Variants in FAM76B observed in about 807,000 individuals in gnomAD.
The protein encoded by FAM76B is protein FAM76B.
FAM76B carries 16 observed loss-of-function variants against 51.8 expected under a neutral mutation model. The ratio of observed to expected loss-of-function variants is 0.31; its 90% CI spans 0.21 to 0.47. The LOEUF is 0.47. FAM76B is among the 20% of genes least tolerant of loss of function. FAM76B has a pLI of 1.00. For synonymous variants in FAM76B, 166 were observed against 129.5 expected, an observed-to-expected ratio of 1.28 and a Z score of -1.91; for missense variants, 342 against 392.6, an observed-to-expected ratio of 0.87 and a Z score of 1.09.
chr11:95,785,716 A>C (rs1860534630), intron 4 of FAM76B, among the ~76,000 whole-genome samples: 1 of 152,234 alleles, frequency 6.6e-6, no homozygotes, highest in Non-Finnish European at 1.5e-5. Flanking sequence ...AAAAACAAAC[A>C]ACAGTTTCAA....
intron 9 of FAM76B, among the ~76,000 whole-genome samples, chr11:95,774,915 T>C (rs1405939277): frequency 6.6e-6 from 1 of 150,582 alleles, no homozygotes; most frequent in African/African-American, 2.4e-5. Context: ...AGTTCCTAAA[T>C]CCTACTAATT....
At chr11:95,787,708 T>C in intron 2 of FAM76B, 30 bp from the exon 3 acceptor site, 1 of 1,540,764 alleles carries the variant, frequency 6.5e-7, no homozygotes, top group Non-Finnish European at 8.9e-7. Flanking sequence ...TAGATCATGT[T>C]TATGTAGCTT....
At chr11:95,781,189 G>C (rs1216361190) in intron 5 of FAM76B, among the ~76,000 whole-genome samples, 1 of 151,104 alleles carries the variant, frequency 6.6e-6, no homozygotes, top group East Asian at 1.9e-4. Flanking sequence ...ATCACTGACA[G>C]AAACACTTGG....
chr11:95,785,375 G>C (rs909068747), intron 4 of FAM76B, among the ~76,000 whole-genome samples: 3 of 152,178 alleles, frequency 2.0e-5, no homozygotes, highest in Admixed American at 6.5e-5. Context: ...CAAATAATGA[G>C]AATCAATCGT....
intron 6 of FAM76B, 56 bp downstream of exon 6, chr11:95,779,823 T>C: frequency 1.9e-6 from 3 of 1,567,202 alleles, no homozygotes; most frequent in Non-Finnish European, 2.6e-6. Flanking sequence ...TGAAGGGATA[T>C]CACATTTATA....
Position 95,789,586 on chromosome 11 carries a change from C to T in FAM76B, c.-108G>A. ...CCGCGGGCTCCTCCTCCTCCCCCTC[C>T]CCCTGCCTCGCGCCCACCAGGGCCT... On this transcript the variant is annotated 5_prime_UTR_variant, in exon 1 of 10. Transcript: ENST00000358780. 1.0e-6 allele frequency: 1 copy of T among 966,030 alleles called. No homozygotes were observed. The highest frequency in any genetic ancestry group is 1.5e-6 in the Non-Finnish European group (1 of 669,186). 59.8% of individuals were successfully genotyped at this position (966,030 alleles called of 1,614,324 possible).
intron 1 of FAM76B, chr11:95,789,179 G>A (rs765224609): frequency 2.4e-4 from 253 of 1,041,702 alleles, no homozygotes; most frequent in Middle Eastern, 6.3e-4. Context: ...TGGGCCGCCT[G>A]GAAAAGGGCA....
rs1859989021 is a variant in FAM76B, at chr11:95,776,025, TGA to T, written c.829-4_829-3del. 5 of 1,560,060 alleles carry T rather than the reference TGA, an allele frequency of 3.2e-6. No individual in the cohort carries two copies. Among genetic ancestry groups the T allele is most frequent in the Non-Finnish European group, 3.5e-6 (4 of 1,152,980 alleles). On this transcript the variant is annotated splice_polypyrimidine_tract_variant and splice_region_variant and intron_variant, in intron 8 of 9. Transcript: ENST00000358780. ...AAAGTCTGCCTTTAGTTCAGTTAAC[TGA>T]GAGATTAAAGAAAAAATATATGTAT...
At chr11:95,779,235 C>A in intron 7 of FAM76B, 1 of 1,038,618 alleles carries the variant, frequency 9.6e-7, no homozygotes, top group Admixed American at 2.2e-5. Flanking sequence ...AAACTTTTGG[C>A]TAATGAACTA....
At chr11:95,772,227 CT>C (rs781414992) in intron 9 of FAM76B, among the ~76,000 whole-genome samples, 1 of 151,040 alleles carries the variant, frequency 6.6e-6, no homozygotes, top group Admixed American at 6.6e-5. Flanking sequence ...CACTCATTAT[CT>C]TGTTGTTCCT....
intron 9 of FAM76B, among the ~76,000 whole-genome samples, chr11:95,773,418 A>C (rs1859856649): frequency 6.8e-6 from 1 of 147,638 alleles, no homozygotes. Flanking sequence ...ATGTACATTT[A>C]AATTGTTTTA....
chr11:95,785,866 T>C (rs920600345), intron 4 of FAM76B, among the ~76,000 whole-genome samples: 2 of 152,174 alleles, frequency 1.3e-5, no homozygotes, highest in African/African-American at 4.8e-5. Context: ...ATTAGTTAAA[T>C]CTCCTGAACC....
In FAM76B at chr11:95,789,717, C is replaced by T. The variant is rs1860899228; in HGVS notation, c.-239G>A. 1 of 489,612 alleles carries T rather than the reference C, an allele frequency of 2.0e-6. No individual in the cohort carries two copies. The highest frequency in any genetic ancestry group is 3.6e-6 in the Non-Finnish European group (1 of 279,760). The allele number at this position is 489,612 out of a possible 1,614,324, so 30.3% of individuals were successfully genotyped here. ...CCGTGCCAGCCGCTCCCGCTTAGGC[C>T]CCGATAGCGGCGGAGGGAGACGAAG... On this transcript the variant is annotated 5_prime_UTR_variant, in exon 1 of 10. Transcript: ENST00000358780.
At chr11:95,787,251 C>T (rs949873480) in intron 3 of FAM76B, among the ~76,000 whole-genome samples, 22 of 147,824 alleles carry the variant, frequency 1.5e-4, no homozygotes, top group African/African-American at 5.5e-4. Context: ...TTTTTTTTTT[C>T]GAGACGCAGT....
In FAM76B at chr11:95,789,651, C is replaced by T; in HGVS notation, c.-173G>A. On this transcript the variant is annotated 5_prime_UTR_variant, in exon 1 of 10. Coordinates refer to ENST00000358780, the MANE Select transcript of FAM76B (RefSeq NM_144664.5). ...AGGGCCCCGCGGACGACGCCACCGTCTCCCTCCGCCTCCACTTCCGCCCCA... is the reference window on the plus strand; with the variant it reads ...AGGGCCCCGCGGACGACGCCACCGTTTCCCTCCGCCTCCACTTCCGCCCCA... 1.9e-6 allele frequency: 1 copy of T among 529,926 alleles called. No individual in the cohort carries two copies. Among genetic ancestry groups the T allele is most frequent in the Admixed American group, 4.0e-5 (1 of 24,822 alleles). The allele number at this position is 529,926 out of a possible 1,614,324, so 32.8% of individuals were successfully genotyped here.
chr11:95,780,474 T>C (rs1455443463), intron 5 of FAM76B, among the ~76,000 whole-genome samples: 2 of 152,034 alleles, frequency 1.3e-5, no homozygotes, highest in Non-Finnish European at 2.9e-5. Flanking sequence ...GAAGTTACGC[T>C]GAAACTATTG....
intron 3 of FAM76B, among the ~76,000 whole-genome samples, 171 bp downstream of exon 3, chr11:95,787,453 G>C (rs1860663905): frequency 6.6e-6 from 1 of 152,136 alleles, no homozygotes; most frequent in Non-Finnish European, 1.5e-5. Context: ...TGTTAGCCAG[G>C]ATGGTCTCCA....
intron 1 of FAM76B, chr11:95,788,812 C>G: frequency 6.8e-7 from 1 of 1,464,604 alleles, no homozygotes. Flanking sequence ...GCTGTCAGGG[C>G]CTATTTCAAG....
chr11:95,770,943 A>G lies in FAM76B; in HGVS notation c.*618T>C, dbSNP rs562030404. The G allele has an allele frequency of 6.6e-6, 1 of 151,860 alleles. No individual in the cohort carries two copies. Among genetic ancestry groups the G allele is most frequent in the Admixed American group, 6.6e-5 (1 of 15,168 alleles). The allele number at this position is 151,860 out of a possible 1,614,324, so 9.4% of individuals were successfully genotyped here. On this transcript the variant is annotated 3_prime_UTR_variant, in exon 10 of 10. Coordinates refer to ENST00000358780, the MANE Select transcript of FAM76B (RefSeq NM_144664.5). ...AACAGAAACACATTTTACCTTAGAT[A>G]CTGTACAATAAACATTAATTCCTAT...
Sources: gnomAD v4.1 joint callset for allele counts (sites outside exome capture counted in the v4.1 genomes callset) on GRCh38, gnomAD v4.1.1 for gene constraint, MANE v1.5 for transcripts, NCBI Gene and HGNC (gene_info 2026-07-23, HGNC 2026-07-21) for gene names.